DSCAML1: variants seen among roughly 807,000 people sequenced by gnomAD.
The protein encoded by DSCAML1 is DS cell adhesion molecule like 1.
Under a neutral mutation model 200.5 loss-of-function variants are expected in DSCAML1, and 38 were observed. That is an observed-to-expected ratio of 0.19 (90% CI 0.15 to 0.25). The LOEUF (loss-of-function observed/expected upper bound fraction) is 0.25, where lower values mean the gene tolerates loss of function less well. DSCAML1 is among the 10% of genes least tolerant of loss of function. The pLI is 1.00. For missense variants in DSCAML1, 2,223 were observed against 2,858.8 expected, an observed-to-expected ratio of 0.78 and a Z score of 5.07; for synonymous variants, 1,215 against 1,165.0, an observed-to-expected ratio of 1.04 and a Z score of -0.87.
At chr11:117,639,821 C>T (rs926532848) in intron 3 of DSCAML1, among the ~76,000 whole-genome samples, 1 of 152,022 alleles carries the variant, frequency 6.6e-6, no homozygotes, top group South Asian at 2.1e-4. Flanking sequence ...CCCTGCCCTG[C>T]CCACCCCATG....
Position 117,465,103 on chromosome 11 carries a change from C to T in DSCAML1, c.3104G>A (p.Gly1035Glu). ...GYRENSPGSN[G>E]QYSIVEMKAT... ...CTTCATCTCCACGATGCTGTACTGCCCGTTGCTGCCGGGGCTGTTCTCTCT... is the reference window on the plus strand; with the variant it reads ...CTTCATCTCCACGATGCTGTACTGCTCGTTGCTGCCGGGGCTGTTCTCTCT... Residue 1035 changes from glycine to glutamate, a missense_variant, in exon 17 of 33, where the codon GGG becomes GAG. Coordinates refer to ENST00000651296, the MANE Select transcript of DSCAML1 (RefSeq NM_020693.4). 6.2e-7 allele frequency: 1 copy of T among 1,614,118 alleles called. No homozygotes were observed. The highest frequency in any genetic ancestry group is 2.2e-5 in the East Asian group (1 of 44,868).
intron 11 of DSCAML1, among the ~76,000 whole-genome samples, chr11:117,484,886 AGTGTGTGTGTGTGTGTGTGT>A (rs55850829): frequency 0.05 from 5,951 of 119,194 alleles, 395 homozygotes; most frequent in African/African-American, 0.17. Flanking sequence ...GCAGAGGAAC[AGTGTGTGTGTGTGTGTGTGT>A]GTGTGTGTGT....
intron 3 of DSCAML1, 46 bp downstream of exon 3, chr11:117,776,745 A>G (rs2055134684): frequency 6.2e-7 from 1 of 1,611,476 alleles, no homozygotes; most frequent in Non-Finnish European, 8.5e-7. Flanking sequence ...TCCAGTCCCC[A>G]CAGAGGGAGC....
Position 117,770,153 on chromosome 11 carries a change from G to A in DSCAML1, c.511+6638C>T, listed in dbSNP as rs185449135. Among the ~76,000 whole-genome samples the A allele has an allele frequency of 4.3e-4, 65 of 152,204 alleles. 1 individual carries two copies. The East Asian group carries it at 8.9e-3, about 21-fold the overall frequency. On this transcript the variant is annotated intron_variant, in intron 3 of 32. Coordinates refer to ENST00000651296, the MANE Select transcript of DSCAML1 (RefSeq NM_020693.4). ...CCATCAGCAGAAAGAGTGGTCCTGC[G>A]GTATCCTCCTCTTTGTGGGAAGACA...
At chr11:117,697,508 A>T (rs1374161948) in intron 3 of DSCAML1, among the ~76,000 whole-genome samples, 1 of 152,126 alleles carries the variant, frequency 6.6e-6, no homozygotes. Context: ...GTACATTTAT[A>T]TTGTTGTGCA....
intron 3 of DSCAML1, among the ~76,000 whole-genome samples, chr11:117,600,966 G>A (rs924314679): frequency 2.0e-5 from 3 of 152,140 alleles, no homozygotes; most frequent in African/African-American, 7.2e-5. Context: ...GCAGGAGGAC[G>A]GGAGGGAGGG....
chr11:117,589,228 G>A (rs150095137), intron 3 of DSCAML1, among the ~76,000 whole-genome samples: 156 of 152,312 alleles, frequency 1.0e-3, no homozygotes, highest in African/African-American at 3.4e-3. Context: ...CGACCGGAGC[G>A]GGCTCCTGCC....
intron 3 of DSCAML1, among the ~76,000 whole-genome samples, chr11:117,552,490 G>A (rs1309663023): frequency 6.6e-6 from 1 of 151,784 alleles, no homozygotes; most frequent in Non-Finnish European, 1.5e-5. Flanking sequence ...GAAGTTAGAG[G>A]GCCCTTTTTG....
intron 15 of DSCAML1, among the ~76,000 whole-genome samples, chr11:117,470,862 T>C (rs935769597): frequency 2.0e-5 from 3 of 150,550 alleles, no homozygotes; most frequent in African/African-American, 7.3e-5. Flanking sequence ...GTAATATTGA[T>C]TAAAACAAGC....
intron 3 of DSCAML1, among the ~76,000 whole-genome samples, chr11:117,574,416 C>T (rs1198398371): frequency 6.6e-6 from 1 of 152,230 alleles, no homozygotes; most frequent in African/African-American, 2.4e-5. Context: ...GGGAGCTGAG[C>T]TGTCATGGTT....
At chr11:117,530,581 T>C (rs148146596) in intron 4 of DSCAML1, among the ~76,000 whole-genome samples, 141 of 152,306 alleles carry the variant, frequency 9.3e-4, no homozygotes, top group African/African-American at 3.3e-3. Context: ...GCACCTCGTG[T>C]GTGTTAGGCA....
At chr11:117,531,635 G>A (rs1245738188) in intron 4 of DSCAML1, among the ~76,000 whole-genome samples, 1 of 152,126 alleles carries the variant, frequency 6.6e-6, no homozygotes, top group Non-Finnish European at 1.5e-5. Context: ...TGCAATCCCA[G>A]CACTTTGGGA....
intron 3 of DSCAML1, among the ~76,000 whole-genome samples, chr11:117,709,248 G>T (rs1383883045): frequency 6.6e-6 from 1 of 152,174 alleles, no homozygotes; most frequent in Non-Finnish European, 1.5e-5. Flanking sequence ...TAAGCAACAG[G>T]AATCCATTTC....
At chr11:117,608,862 A>C (rs2051626827) in intron 3 of DSCAML1, among the ~76,000 whole-genome samples, 3 of 37,944 alleles carry the variant, frequency 7.9e-5, no homozygotes, top group Admixed American at 5.5e-4. Context: ...CTTTGCTGAC[A>C]TTGAGCATTA....
intron 3 of DSCAML1, among the ~76,000 whole-genome samples, chr11:117,583,435 C>A (rs964215963): frequency 6.6e-5 from 10 of 152,190 alleles, no homozygotes; most frequent in African/African-American, 2.4e-4. Context: ...TCTCGCTCCG[C>A]AAGAATCCCC....
intron 3 of DSCAML1, among the ~76,000 whole-genome samples, chr11:117,750,303 G>A (rs2054586337): frequency 6.6e-6 from 1 of 152,186 alleles, no homozygotes; most frequent in Non-Finnish European, 1.5e-5. Context: ...AAAGATATCT[G>A]TGTCTTTGTC....
At chr11:117,771,620 C>T (rs570165444) in intron 3 of DSCAML1, among the ~76,000 whole-genome samples, 1 of 152,172 alleles carries the variant, frequency 6.6e-6, no homozygotes, top group African/African-American at 2.4e-5. Flanking sequence ...CCAGTCTGCT[C>T]CAGAGAGGCG....
chr11:117,460,645 TG>T (rs1204075197), intron 18 of DSCAML1, among the ~76,000 whole-genome samples: 2 of 152,102 alleles, frequency 1.3e-5, no homozygotes, highest in Non-Finnish European at 1.5e-5. Flanking sequence ...GGCAGGAGCT[TG>T]GTGTGCCTGC....
At chr11:117,761,626 T>C (rs1421248087) in intron 3 of DSCAML1, among the ~76,000 whole-genome samples, 1 of 152,214 alleles carries the variant, frequency 6.6e-6, no homozygotes, top group East Asian at 1.9e-4. Flanking sequence ...ATCTCAGCAC[T>C]TTGGAAGGCT....
Sources: allele counts gnomAD v4.1 joint callset (sites outside exome capture counted in the v4.1 genomes callset), GRCh38; gene constraint gnomAD v4.1.1; transcripts MANE v1.5; gene names NCBI Gene and HGNC (gene_info 2026-07-23, HGNC 2026-07-21).